Variants in ELK4 observed in about 807,000 individuals in gnomAD.
The protein encoded by ELK4 is ETS transcription factor ELK4, also known as ETS domain-containing protein Elk-4.
In ELK4, 16 loss-of-function variants were observed where a neutral mutation model predicts 29.6. The observed-to-expected ratio is 0.54, with a 90% CI of 0.37 to 0.82. The LOEUF (loss-of-function observed/expected upper bound fraction) is 0.82. ELK4 is among the 40% of genes least tolerant of loss of function. ELK4 has a pLI of 0.00. For missense variants in ELK4, 465 were observed against 507.1 expected (o/e 0.92, Z 0.80); for synonymous variants, 213 against 191.1 (o/e 1.11, Z -0.95).
intron 2 of ELK4, among the ~76,000 whole-genome samples, chr1:205,621,215 A>G (rs926563595): frequency 6.6e-5 from 10 of 150,418 alleles, no homozygotes; most frequent in East Asian, 3.9e-4. Flanking sequence ...AAAAAAAAAA[A>G]AAAAGAAAAA....
chr1:205,612,209 G>A lies in ELK4; in HGVS notation c.*4337C>T, dbSNP rs1274713725. On this transcript the variant is annotated 3_prime_UTR_variant, in exon 5 of 5. Transcript: ENST00000357992. ...GTGAAATTTCAAAAGTTGACAATAA[G>A]CTCTCCTGAAAAACTCCAAATCTCT... 4.9e-6 allele frequency: 1 copy of A among 202,950 alleles called. No homozygotes were observed. Among genetic ancestry groups the A allele is most frequent in the Non-Finnish European group, 1.0e-5 (1 of 99,066 alleles). The allele number at this position is 202,950 out of a possible 1,614,324, so 12.6% of individuals were successfully genotyped here. A position where few individuals can be genotyped will look rare whatever the true frequency, so the allele number is the denominator to read the frequency against.
Position 205,608,569 on chromosome 1 carries a change from GAAA to G in ELK4, c.*7974_*7976del, listed in dbSNP as rs567417427. 1 of 174,236 alleles carries G rather than the reference GAAA, an allele frequency of 5.7e-6. No homozygotes were observed. Among genetic ancestry groups the G allele is most frequent in the East Asian group, 1.0e-4 (1 of 10,042 alleles). 10.8% of individuals were successfully genotyped at this position (174,236 alleles called of 1,614,324 possible). A position where few individuals can be genotyped will look rare whatever the true frequency, so the allele number is the denominator to read the frequency against. Reference sequence around the variant, plus strand: ...ATTTTAATTGCTTTTTTAGGAAAAAGAAAAAAAAAAGGTGCTTTTAATACTTTG... The same window carrying G: ...ATTTTAATTGCTTTTTTAGGAAAAAGAAAAAAAGGTGCTTTTAATACTTTG... On this transcript the variant is annotated 3_prime_UTR_variant, in exon 5 of 5. Transcript: ENST00000357992.
rs1308691895 is a variant in ELK4, at chr1:205,611,278, C to T, written c.*5268G>A. ...TAACGATTCACCTTTCAGATTTGCT[C>T]GGCTTACAGGTCAAAACATGACTTG... On this transcript the variant is annotated 3_prime_UTR_variant, in exon 5 of 5. Coordinates refer to ENST00000357992, the MANE Select transcript of ELK4 (RefSeq NM_001973.4). The T allele has an allele frequency of 2.9e-5, 6 of 209,616 alleles. No homozygotes were observed. Among genetic ancestry groups the T allele is most frequent in the South Asian group, 1.9e-4 (1 of 5,338 alleles). The allele number at this position is 209,616 out of a possible 1,614,324, so 13.0% of individuals were successfully genotyped here.
At chr1:205,628,061 G>T (rs1430629476) in intron 1 of ELK4, among the ~76,000 whole-genome samples, 3 of 152,134 alleles carry the variant, frequency 2.0e-5, no homozygotes, top group Non-Finnish European at 4.4e-5. Flanking sequence ...TTGTAAAAAA[G>T]CATTACATAT....
chr1:205,618,017 G>A (rs113638212), intron 4 of ELK4, among the ~76,000 whole-genome samples: 205 of 6,938 alleles, frequency 0.03, 1 homozygote, highest in African/African-American at 0.051. Flanking sequence ...GAGAGAGAGA[G>A]TGTGTGTGTG....
At chr1:205,631,605 AG>A in intron 1 of ELK4, 26 bp downstream of exon 1, 2 of 217,118 alleles carry the variant, frequency 9.2e-6, no homozygotes, top group South Asian at 5.4e-5. Flanking sequence ...CGAGATCCCG[AG>A]GGGGCGCGCG....
chr1:205,618,283 G>C (rs893708726), intron 4 of ELK4, among the ~76,000 whole-genome samples: 2 of 151,710 alleles, frequency 1.3e-5, no homozygotes. Flanking sequence ...TTCCTGCCTC[G>C]GCCTACCAAA....
At chr1:205,623,140 A>C (rs1670382583) in intron 2 of ELK4, among the ~76,000 whole-genome samples, 1 of 145,452 alleles carries the variant, frequency 6.9e-6, no homozygotes, top group South Asian at 2.3e-4. Flanking sequence ...CCTGGGCGAC[A>C]GAGTAAGACT....
chr1:205,623,666 T>G lies in ELK4; in HGVS notation c.207+10A>C. ...TTCTCTGTATAGTATAAGATCAGGA[T>G]GTGTACTACCTTTACATAATAGTAT... On this transcript the variant is annotated intron_variant, in intron 2 of 4. Transcript: ENST00000357992. The G allele has an allele frequency of 6.2e-7, 1 of 1,613,638 alleles. No individual in the cohort carries two copies. Among genetic ancestry groups the G allele is most frequent in the Non-Finnish European group, 8.5e-7 (1 of 1,179,766 alleles).
Position 205,631,825 on chromosome 1 carries a change from C to T in ELK4, c.-203G>A, listed in dbSNP as rs1449796280. ...CCGCAGCCGCCCGCATCTCCCGCCG[C>T]CGCGGCTCCTGGCGCCCCGCCCTCC... On this transcript the variant is annotated 5_prime_UTR_variant, in exon 1 of 5. Transcript: ENST00000357992. 2.0e-5 allele frequency: 3 copies of T among 151,116 alleles called. No individual in the cohort carries two copies. The highest frequency in any genetic ancestry group is 6.7e-5 in the Admixed American group (1 of 14,902). 9.4% of individuals were successfully genotyped at this position (151,116 alleles called of 1,614,324 possible). A position where few individuals can be genotyped will look rare whatever the true frequency, so the allele number is the denominator to read the frequency against.
intron 2 of ELK4, among the ~76,000 whole-genome samples, chr1:205,622,572 C>T (rs1186507817): frequency 2.0e-5 from 3 of 152,002 alleles, no homozygotes; most frequent in Non-Finnish European, 4.4e-5. Context: ...TTTGTAGAGA[C>T]GGGGTCTCCC....
intron 2 of ELK4, 80 bp downstream of exon 2, chr1:205,623,596 T>G: frequency 2.0e-6 from 3 of 1,516,206 alleles, no homozygotes; most frequent in Non-Finnish European, 2.7e-6. Context: ...ATTACAGGCG[T>G]GAGCCACTGT....
Position 205,618,972 on chromosome 1 carries a change from A to G in ELK4, c.1182T>C (p.Ala394=), listed in dbSNP as rs1339665980. 2.2e-5 allele frequency: 35 copies of G among 1,609,230 alleles called. No homozygotes were observed. The highest frequency in any genetic ancestry group is 2.8e-5 in the Non-Finnish European group (33 of 1,178,004). ...ATAAAATTACCTGGAAAAGTGTGTT[A>G]GCACCTTGCAGTCTGGCTGGACTTA... is the stretch of plus-strand genomic sequence containing the variant. ...APLSPARLQG[A]NTLFQFPSVL... is the part of the protein sequence containing the mutation. The change falls in exon 4 of 5, where the codon GCT becomes GCC. Residue 394 remains alanine, a synonymous_variant. Coordinates refer to ENST00000357992, the MANE Select transcript of ELK4 (RefSeq NM_001973.4).
In ELK4 at chr1:205,626,004, A is replaced by T. The variant is rs942854530; in HGVS notation, c.-9-2113T>A. Reference sequence around the variant, plus strand: ...GTTCTACTTCTTGATCCAGAAGCGAATTCATCTCCGAGCTGAGGATGCCTT... The same window carrying T: ...GTTCTACTTCTTGATCCAGAAGCGATTTCATCTCCGAGCTGAGGATGCCTT... On this transcript the variant is annotated intron_variant, in intron 1 of 4. Coordinates refer to ENST00000357992, the MANE Select transcript of ELK4 (RefSeq NM_001973.4). 12 of 1,411,378 alleles carry T rather than the reference A, an allele frequency of 8.5e-6. No individual in the cohort carries two copies. In the South Asian group the frequency reaches 1.3e-4, roughly 15 times the overall value. The allele number at this position is 1,411,378 out of a possible 1,614,324, so 87.4% of individuals were successfully genotyped here. A position where few individuals can be genotyped will look rare whatever the true frequency, so the allele number is the denominator to read the frequency against.
chr1:205,623,201 C>T (rs1002825450), intron 2 of ELK4, among the ~76,000 whole-genome samples: 3 of 151,228 alleles, frequency 2.0e-5, no homozygotes, highest in African/African-American at 7.3e-5. Flanking sequence ...GAGATTCAGC[C>T]GGAACATTTA....
rs1052814211 is a variant in ELK4, at chr1:205,608,701, C to T, written c.*7845G>A. 2.6e-5 allele frequency: 5 copies of T among 193,466 alleles called. No homozygotes were observed. Among genetic ancestry groups the T allele is most frequent in the African/African-American group, 1.2e-4 (5 of 43,082 alleles). The allele number at this position is 193,466 out of a possible 1,614,324, so 12.0% of individuals were successfully genotyped here. ...ATCCATTCCTCTGGGTAGGTGTGCA[C>T]TTACATTATATGTAAGTATCTCTAC... On this transcript the variant is annotated 3_prime_UTR_variant, in exon 5 of 5. Transcript: ENST00000357992.
rs1338105324 is a variant in ELK4, at chr1:205,623,910, G to C, written c.-9-19C>G. ...CAATGAGCTGAAAGAATATAGATAA[G>C]ATATGTGATAATATTAACAGCCAAC... On this transcript the variant is annotated intron_variant, in intron 1 of 4. Coordinates refer to ENST00000357992, the MANE Select transcript of ELK4 (RefSeq NM_001973.4). 31 of 1,607,730 alleles carry C rather than the reference G, an allele frequency of 1.9e-5. No homozygotes were observed. The highest frequency in any genetic ancestry group is 2.6e-5 in the Non-Finnish European group (31 of 1,174,700).
rs1473532386 is a variant in ELK4 at position 205,623,682 on chromosome 1, A to G, written c.201T>C (p.Tyr67=). ...DKLSRALRYY[Y]VKNIIKKVNG... is the part of the protein sequence containing the mutation. ...AGATCAGGATGTGTACTACCTTTAC[A>G]TAATAGTATCTGAGGGCTCGGCTGA... The change falls in exon 2 of 5, where the codon TAT becomes TAC. Residue 67 remains tyrosine, a synonymous_variant. Coordinates refer to ENST00000357992, the MANE Select transcript of ELK4 (RefSeq NM_001973.4). 1 of 1,614,062 alleles carries G rather than the reference A, an allele frequency of 6.2e-7. No homozygotes were observed. Among genetic ancestry groups the G allele is most frequent in the South Asian group, 1.1e-5 (1 of 91,070 alleles).
chr1:205,628,438 G>C (rs554042729), intron 1 of ELK4, among the ~76,000 whole-genome samples: 3 of 152,276 alleles, frequency 2.0e-5, no homozygotes, highest in East Asian at 3.9e-4. Context: ...TATAGGGGTG[G>C]AGTATGAATC....
Sources: gnomAD v4.1 joint callset for allele counts (sites outside exome capture counted in the v4.1 genomes callset) on GRCh38, gnomAD v4.1.1 for gene constraint, MANE v1.5 for transcripts, NCBI Gene and HGNC (gene_info 2026-07-23, HGNC 2026-07-21) for gene names.